Variants in CNIH3 observed in about 807,000 individuals in gnomAD.
CNIH3 encodes protein cornichon homolog 3.
Under a neutral mutation model 24.1 loss-of-function variants are expected in CNIH3, and 14 were observed. The observed-to-expected ratio is 0.58, with a 90% CI of 0.38 to 0.91. CNIH3 has a LOEUF of 0.91. CNIH3 is among the 40% of genes least tolerant of loss of function. CNIH3 has a pLI of 0.00. For missense variants in CNIH3, 178 were observed against 196.8 expected (o/e 0.90, Z 0.57); for synonymous variants, 68 against 73.8 (o/e 0.92, Z 0.40).
At chr1:224,437,123 C>T (rs150601035) in intron 1 of CNIH3, 3 of 152,320 alleles carry the variant, frequency 2.0e-5, no homozygotes, top group Non-Finnish European at 4.4e-5. Flanking sequence ...TTCTTCAGGT[C>T]ATCAGAGAGA....
chr1:224,441,468 A>G (rs1487457834), intron 1 of CNIH3, among the ~76,000 whole-genome samples: 1 of 152,258 alleles, frequency 6.6e-6, no homozygotes, highest in Non-Finnish European at 1.5e-5. Context: ...TAGATAAATA[A>G]TTAATAGCCC....
At chr1:224,584,197 A>G (rs1000246690) in intron 5 of CNIH3, among the ~76,000 whole-genome samples, 8 of 152,216 alleles carry the variant, frequency 5.3e-5, no homozygotes, top group African/African-American at 1.9e-4. Context: ...AGTTTTGTTC[A>G]ATTCTGCTCT....
intron 1 of CNIH3, chr1:224,459,210 C>A (rs569430370): frequency 1.0e-6 from 1 of 976,762 alleles, no homozygotes; most frequent in Non-Finnish European, 1.2e-6. Context: ...AAGTCTTCAG[C>A]AGACATCATG....
intron 3 of CNIH3, among the ~76,000 whole-genome samples, chr1:224,714,408 C>T (rs1209504799): frequency 1.3e-5 from 2 of 152,288 alleles, no homozygotes; most frequent in South Asian, 4.2e-4. Flanking sequence ...AATGGGGAGT[C>T]GCCAGTGGTG....
At chr1:224,529,769 A>G (rs1437302408) in intron 2 of CNIH3, among the ~76,000 whole-genome samples, 1 of 152,242 alleles carries the variant, frequency 6.6e-6, no homozygotes. Context: ...AACGCTTTGT[A>G]TATTCCTCTG....
chr1:224,729,412 C>CAA lies in CNIH3; in HGVS notation c.199-1028_199-1027dup, dbSNP rs1184318000. ...GGGCAACAGAGTAAGACTATGTCTC[C>CAA]AAAAAAAAAAAAAAAAAAAAAAAGG... On this transcript the variant is annotated intron_variant, in intron 3 of 5. Transcript: ENST00000272133. 2.1e-3 allele frequency among the ~76,000 whole-genome samples: 94 copies of CAA among 44,198 alleles called. 1 individual carries two copies. The highest frequency in any genetic ancestry group is 4.4e-3 in the African/African-American group (49 of 11,244). The allele number at this position is 44,198 out of a possible 152,430, so 29.0% of individuals were successfully genotyped here. A position where few individuals can be genotyped will look rare whatever the true frequency, so the allele number is the denominator to read the frequency against.
At chr1:224,502,352 G>A (rs1677710824) in intron 1 of CNIH3, among the ~76,000 whole-genome samples, 1 of 152,240 alleles carries the variant, frequency 6.6e-6, no homozygotes, top group East Asian at 1.9e-4. Flanking sequence ...CATGTGGACA[G>A]CATGGAGGAA....
Position 224,458,892 on chromosome 1 carries a change from C to T in CNIH3, n.203+24030C>T, listed in dbSNP as rs937012646. Among the ~76,000 whole-genome samples, 5 of 152,152 alleles carry T rather than the reference C, an allele frequency of 3.3e-5. No individual in the cohort carries two copies. Among genetic ancestry groups the T allele is most frequent in the African/African-American group, 1.2e-4 (5 of 41,438 alleles). ...CACTTCTAATACAGTCCCGGAAAGA[C>T]GGGGCCAGAACTTAGGAGGGGAGCG... On this transcript the variant is annotated intron_variant and non_coding_transcript_variant, in intron 1 of 5. Transcript: ENST00000471578. The surrounding 1 kb of genome is among the most constrained non-coding windows in gnomAD (Gnocchi z 4.3).
intron 3 of CNIH3, among the ~76,000 whole-genome samples, chr1:224,692,546 A>G (rs1558300163): frequency 6.6e-6 from 1 of 152,216 alleles, no homozygotes; most frequent in Non-Finnish European, 1.5e-5. Flanking sequence ...GAAGTTTTCT[A>G]GATCAGAATT....
chr1:224,739,557 G>A lies in CNIH3; in HGVS notation c.*201G>A. 1.0e-6 allele frequency: 1 copy of A among 963,688 alleles called. No individual in the cohort carries two copies. The highest frequency in any genetic ancestry group is 1.5e-6 in the Non-Finnish European group (1 of 659,550). 59.7% of individuals were successfully genotyped at this position (963,688 alleles called of 1,614,324 possible). On this transcript the variant is annotated 3_prime_UTR_variant, in exon 6 of 6. Coordinates refer to ENST00000272133, the MANE Select transcript of CNIH3 (RefSeq NM_152495.2). ...CCTGCGTGTCTGTGTCACCCTGTTTGTCAATCTTTGGCATTCGAATTCCAC... is the reference window on the plus strand; with the variant it reads ...CCTGCGTGTCTGTGTCACCCTGTTTATCAATCTTTGGCATTCGAATTCCAC...
At chr1:224,463,814 G>A (rs531850660) in intron 1 of CNIH3, among the ~76,000 whole-genome samples, 2 of 93,322 alleles carry the variant, frequency 2.1e-5, no homozygotes, top group African/African-American at 1.2e-4. Context: ...TTTTTTAGAG[G>A]GAGTCTCGCT....
At chr1:224,459,994 A>G (rs796157000) in intron 1 of CNIH3, among the ~76,000 whole-genome samples, 2 of 150,276 alleles carry the variant, frequency 1.3e-5, no homozygotes, top group South Asian at 4.2e-4. Context: ...TTCCTGCCTC[A>G]GCCCCCAGAG....
chr1:224,690,424 C>G (rs1028479299), intron 3 of CNIH3, among the ~76,000 whole-genome samples: 1 of 152,188 alleles, frequency 6.6e-6, no homozygotes, highest in Non-Finnish European at 1.5e-5. Context: ...TGGTCTCGAA[C>G]TCCTGACCTC....
chr1:224,465,089 C>T (rs1264440690), intron 1 of CNIH3, among the ~76,000 whole-genome samples: 1 of 152,018 alleles, frequency 6.6e-6, no homozygotes. Flanking sequence ...CTGAGGCACC[C>T]AGCCAAGATA....
At chr1:224,733,188 A>G (rs757453250) in intron 4 of CNIH3, among the ~76,000 whole-genome samples, 15 of 152,190 alleles carry the variant, frequency 9.9e-5, no homozygotes, top group Admixed American at 4.6e-4. Flanking sequence ...AATGGTCACA[A>G]CAGCCCTTTG....
rs567005926 is a variant in CNIH3 at position 224,689,222 on chromosome 1, T to C, written c.198+4379T>C. Among the ~76,000 whole-genome samples the C allele has an allele frequency of 1.6e-4, 25 of 152,304 alleles. No individual in the cohort carries two copies. In the East Asian group the frequency reaches 3.9e-3, roughly 23 times the overall value. Reference sequence around the variant, plus strand: ...CACAGTGTGTGCCTCAATGTGACTGTAAACTAGGGGTAAAAATAACAGGAC... The same window carrying C: ...CACAGTGTGTGCCTCAATGTGACTGCAAACTAGGGGTAAAAATAACAGGAC... On this transcript the variant is annotated intron_variant, in intron 3 of 5. Coordinates refer to ENST00000272133, the MANE Select transcript of CNIH3 (RefSeq NM_152495.2).
At chr1:224,644,305 G>C (rs1341509633) in intron 1 of CNIH3, among the ~76,000 whole-genome samples, 1 of 152,130 alleles carries the variant, frequency 6.6e-6, no homozygotes, top group African/African-American at 2.4e-5. Flanking sequence ...TGACCTCCTG[G>C]GCTTTAGCAA....
chr1:224,701,249 G>A (rs1687472795), intron 3 of CNIH3, among the ~76,000 whole-genome samples: 1 of 151,172 alleles, frequency 6.6e-6, no homozygotes, highest in African/African-American at 2.4e-5. Context: ...ATGGAAGATT[G>A]GTTCTCAGTG....
intron 2 of CNIH3, among the ~76,000 whole-genome samples, chr1:224,546,458 C>T (rs1252373374): frequency 2.0e-5 from 3 of 152,224 alleles, no homozygotes; most frequent in South Asian, 4.2e-4. Flanking sequence ...CAGCCCAGCA[C>T]GTTGTAGTCA....
Sources: gnomAD v4.1 joint callset for allele counts (sites outside exome capture counted in the v4.1 genomes callset) on GRCh38, gnomAD v4.1.1 for gene constraint, Gnocchi (gnomAD v3.1) non-coding constraint, MANE v1.5 for transcripts, NCBI Gene and HGNC (gene_info 2026-07-23, HGNC 2026-07-21) for gene names.